IFT25: variants seen among roughly 807,000 people sequenced by gnomAD.
IFT25 encodes intraflagellar transport 25, also known as intraflagellar transport protein 25 homolog.
chr1:53,943,453 C>T, the IFT25 span, among the ~76,000 whole-genome samples: 1 of 151,176 alleles, frequency 6.6e-6, no homozygotes, highest in African/African-American at 2.5e-5. Flanking sequence ...TTCAAAACAT[C>T]TGAAGTTTTA....
At chr1:53,933,453 C>A in the IFT25 span, among the ~76,000 whole-genome samples, 1 of 152,144 alleles carries the variant, frequency 6.6e-6, no homozygotes, top group South Asian at 2.1e-4. Flanking sequence ...TCCTAATGAA[C>A]GGACTCTCTA....
the IFT25 span, among the ~76,000 whole-genome samples, chr1:53,919,010 GTATTT>G: frequency 1.3e-5 from 2 of 152,056 alleles, no homozygotes; most frequent in Admixed American, 1.3e-4. Context: ...GGCTAATTTT[GTATTT>G]TTAGTAGAAA....
At chr1:53,933,303 T>C in the IFT25 span, among the ~76,000 whole-genome samples, 1 of 152,008 alleles carries the variant, frequency 6.6e-6, no homozygotes, top group South Asian at 2.1e-4. Context: ...CCTGGCTAAT[T>C]TTTTTTATTT....
the IFT25 span, among the ~76,000 whole-genome samples, chr1:53,914,810 C>T: frequency 6.6e-6 from 1 of 152,112 alleles, no homozygotes; most frequent in Non-Finnish European, 1.5e-5. Flanking sequence ...CCAGCCTGAC[C>T]CCTGCAGAGA....
the IFT25 span, among the ~76,000 whole-genome samples, chr1:53,934,602 C>T: frequency 3.3e-5 from 5 of 152,008 alleles, no homozygotes; most frequent in African/African-American, 7.3e-5. Context: ...CTGATGAATG[C>T]GTAAATAAAA....
At chr1:53,938,190 T>C in the IFT25 span, among the ~76,000 whole-genome samples, 1 of 152,224 alleles carries the variant, frequency 6.6e-6, no homozygotes, top group African/African-American at 2.4e-5. Flanking sequence ...ACTGACAAAG[T>C]ATCTATGAAA....
chr1:53,935,670 C>T, the IFT25 span, among the ~76,000 whole-genome samples: 1 of 151,076 alleles, frequency 6.6e-6, no homozygotes, highest in Non-Finnish European at 1.5e-5. Flanking sequence ...TGCTCTCTCA[C>T]TCAGGCTGGA....
the IFT25 span, among the ~76,000 whole-genome samples, chr1:53,941,804 C>T: frequency 6.6e-6 from 1 of 152,122 alleles, no homozygotes; most frequent in South Asian, 2.1e-4. Flanking sequence ...ACAAGCTATA[C>T]CAAACCTATA....
the IFT25 span, among the ~76,000 whole-genome samples, chr1:53,914,997 T>C: frequency 6.6e-6 from 1 of 152,236 alleles, no homozygotes; most frequent in Admixed American, 6.5e-5. Flanking sequence ...TATTTACTGG[T>C]TTAAACTTTA....
the IFT25 span, chr1:53,923,641 T>A: frequency 3.0e-4 from 107 of 356,324 alleles, no homozygotes; most frequent in African/African-American, 2.1e-3. Context: ...AATAAATACT[T>A]CAAAGTAAAT....
At chr1:53,942,573 T>C in the IFT25 span, among the ~76,000 whole-genome samples, 3 of 152,194 alleles carry the variant, frequency 2.0e-5, no homozygotes, top group Non-Finnish European at 4.4e-5. Flanking sequence ...ACAAAAAAGT[T>C]TGCCAACCTC....
chr1:53,919,947 C>T, the IFT25 span, among the ~76,000 whole-genome samples: 4 of 152,202 alleles, frequency 2.6e-5, 1 homozygote, highest in East Asian at 7.7e-4. Context: ...GCACGTACCA[C>T]TCTGCCTGGT....
the IFT25 span, among the ~76,000 whole-genome samples, chr1:53,942,564 CAA>C: frequency 6.6e-6 from 1 of 152,074 alleles, no homozygotes; most frequent in Non-Finnish European, 1.5e-5. Flanking sequence ...TGGCCCTTTA[CAA>C]AAAAGTTTGC....
At chr1:53,913,040 G>A in the IFT25 span, among the ~76,000 whole-genome samples, 1 of 152,112 alleles carries the variant, frequency 6.6e-6, no homozygotes. Context: ...TGTGAGTGTT[G>A]GCTGCTAATG....
chr1:53,921,541 T>G, the IFT25 span: 6 of 722,502 alleles, frequency 8.3e-6, no homozygotes, highest in East Asian at 1.3e-4. Context: ...GAAAAGAATG[T>G]AAATAAAAAC....
the IFT25 span, among the ~76,000 whole-genome samples, chr1:53,933,607 T>A: frequency 1.3e-5 from 2 of 152,248 alleles, no homozygotes; most frequent in Non-Finnish European, 2.9e-5. Flanking sequence ...ACTATTCATA[T>A]CTTTATATTT....
chr1:53,918,257 A>AACT, the IFT25 span, among the ~76,000 whole-genome samples: 1 of 152,258 alleles, frequency 6.6e-6, no homozygotes, highest in Non-Finnish European at 1.5e-5. Context: ...TATCAGTGAC[A>AACT]ACTTCCTGTT....
At chr1:53,926,090 A>C in the IFT25 span, among the ~76,000 whole-genome samples, 2 of 152,010 alleles carry the variant, frequency 1.3e-5, no homozygotes, top group East Asian at 3.8e-4. Flanking sequence ...AAAAAAAAAA[A>C]AAAAAAAAGT....
chr1:53,928,134 C>T, the IFT25 span, among the ~76,000 whole-genome samples: 1,359 of 152,268 alleles, frequency 8.9e-3, 23 homozygotes, highest in African/African-American at 0.03. Flanking sequence ...ATATCATCAC[C>T]ATTTTCCTAA....
Sources: gnomAD v4.1 joint callset for allele counts (sites outside exome capture counted in the v4.1 genomes callset) on GRCh38, gnomAD v4.1.1 for gene constraint, MANE v1.5 for transcripts, NCBI Gene and HGNC (gene_info 2026-07-23, HGNC 2026-07-21) for gene names.